The following HMGB1 variants were observed in gnomAD, a reference collection of about 807,000 sequenced individuals.
HMGB1 encodes the protein high mobility group protein B1.
For synonymous variants in HMGB1, 81 were observed against 84.0 expected (o/e 0.96, Z 0.19); for missense variants, 79 against 253.5 (o/e 0.31, Z 4.67).
chr13:30,536,265 A>C (rs1868429910), intron 1 of HMGB1, among the ~76,000 whole-genome samples: 2 of 152,216 alleles, frequency 1.3e-5, no homozygotes, highest in Admixed American at 1.3e-4. Context: ...CATAATATTG[A>C]CTTCCTATCA....
intron 1 of HMGB1, among the ~76,000 whole-genome samples, chr13:30,545,647 T>C (rs1869119394): frequency 1.3e-5 from 2 of 152,182 alleles, no homozygotes; most frequent in Non-Finnish European, 2.9e-5. Context: ...AAATTAAAAC[T>C]AAACTTCATT....
chr13:30,520,607 G>A (rs1198159810), intron 1 of HMGB1, among the ~76,000 whole-genome samples: 2 of 152,184 alleles, frequency 1.3e-5, no homozygotes, highest in Non-Finnish European at 2.9e-5. Flanking sequence ...GCCACAGAGT[G>A]AGACTCCGTC....
In HMGB1 at chr13:30,498,075, G is replaced by A. The variant is rs553957779; in HGVS notation, c.-14-34381C>T. The stretch of plus-strand genomic sequence containing the variant: ...GCTGGACTAATTTACATTCCTACCA[G>A]CAGTGTGTAAGCATCCCCTTCTCTC... On this transcript the variant is annotated intron_variant, in intron 1 of 4. Transcript: ENST00000405805. Among the ~76,000 whole-genome samples, 128 of 152,282 alleles carry A rather than the reference G, an allele frequency of 8.4e-4. 1 individual carries two copies. Among genetic ancestry groups the A allele is most frequent in the African/African-American group, 2.9e-3 (121 of 41,556 alleles).
chr13:30,554,706 C>T (rs531939983), intron 1 of HMGB1: 40 of 770,136 alleles, frequency 5.2e-5, no homozygotes, highest in Middle Eastern at 3.6e-4. Context: ...GAATGCTCTA[C>T]GGAAACATAT....
chr13:30,463,782 G>C (rs1356390159), intron 1 of HMGB1, 88 bp from the exon 2 acceptor site: 4 of 799,374 alleles, frequency 5.0e-6, no homozygotes, highest in Non-Finnish European at 7.7e-6. Context: ...GAAAACCAAA[G>C]TACTGGTTAT....
chr13:30,610,362 T>C (rs747252523), intron 1 of HMGB1, among the ~76,000 whole-genome samples: 24 of 152,160 alleles, frequency 1.6e-4, no homozygotes, highest in Non-Finnish European at 2.6e-4. Flanking sequence ...AAGAGAGTGC[T>C]AGGAGTTGGA....
chr13:30,545,128 CACAT>C (rs1247058325), intron 1 of HMGB1, among the ~76,000 whole-genome samples: 1 of 152,020 alleles, frequency 6.6e-6, no homozygotes, highest in Non-Finnish European at 1.5e-5. Context: ...CAGCTTTCCC[CACAT>C]GCATGGTGAT....
chr13:30,526,300 G>A (rs867881645), intron 1 of HMGB1, among the ~76,000 whole-genome samples: 5 of 152,198 alleles, frequency 3.3e-5, no homozygotes, highest in South Asian at 2.1e-4. Flanking sequence ...CAAGTGATGC[G>A]CCTGCCTCGG....
intron 1 of HMGB1, among the ~76,000 whole-genome samples, chr13:30,482,594 T>C (rs1887256390): frequency 6.6e-6 from 1 of 152,226 alleles, no homozygotes; most frequent in Admixed American, 6.5e-5. Flanking sequence ...AACCCATCTT[T>C]CTGGCTCTGA....
chr13:30,487,515 T>A (rs978535295), intron 1 of HMGB1, among the ~76,000 whole-genome samples: 1 of 152,264 alleles, frequency 6.6e-6, no homozygotes, highest in Non-Finnish European at 1.5e-5. Context: ...TCTGACTTGA[T>A]GATTTCTACC....
intron 1 of HMGB1, among the ~76,000 whole-genome samples, chr13:30,566,060 T>A (rs1220299148): frequency 6.6e-6 from 1 of 152,150 alleles, no homozygotes; most frequent in Non-Finnish European, 1.5e-5. Flanking sequence ...TTATGGGCCA[T>A]TTTCTGAGTA....
At chr13:30,551,308 A>C (rs1018595494) in intron 1 of HMGB1, among the ~76,000 whole-genome samples, 81 of 152,188 alleles carry the variant, frequency 5.3e-4, no homozygotes, top group African/African-American at 1.9e-3. Flanking sequence ...GGGGTTTAAA[A>C]GGCTCATCAC....
rs530629885 is a variant in HMGB1 at position 30,555,321 on chromosome 13, G to C, written c.-15+61350C>G. ...CTCCCAAAATGCTGGGATTACAGGC[G>C]TGAGCCACCGCATTGGCCTGTTAAG... On this transcript the variant is annotated intron_variant, in intron 1 of 4. Coordinates refer to the HMGB1 transcript ENST00000405805. Among the ~76,000 whole-genome samples the C allele has an allele frequency of 8.5e-5, 13 of 152,278 alleles. No homozygotes were observed. In the South Asian group the frequency reaches 2.7e-3, roughly 32 times the overall value.
chr13:30,566,341 G>A (rs1360221214), intron 1 of HMGB1, among the ~76,000 whole-genome samples: 1 of 152,206 alleles, frequency 6.6e-6, no homozygotes, highest in Non-Finnish European at 1.5e-5. Context: ...AGGGGCCAGA[G>A]AGTAAATGTT....
At chr13:30,512,875 G>A (rs1357704809) in intron 1 of HMGB1, among the ~76,000 whole-genome samples, 1 of 152,076 alleles carries the variant, frequency 6.6e-6, no homozygotes, top group Admixed American at 6.6e-5. Flanking sequence ...AAAACCACAT[G>A]ACTAGGGCCG....
intron 1 of HMGB1, among the ~76,000 whole-genome samples, chr13:30,532,245 GAA>G (rs1888511681): frequency 6.7e-6 from 1 of 149,626 alleles, no homozygotes; most frequent in African/African-American, 2.5e-5. Flanking sequence ...TGAGGCAGGA[GAA>G]TCGCTTGAAC....
upstream of HMGB1, among the ~76,000 whole-genome samples, chr13:30,468,814 T>G (rs920911430): frequency 2.0e-5 from 3 of 152,240 alleles, no homozygotes; most frequent in Admixed American, 6.5e-5. Context: ...CTTTATGATA[T>G]TAGACGCTTT....
intron 1 of HMGB1, among the ~76,000 whole-genome samples, chr13:30,545,170 C>T (rs151166567): frequency 2.6e-4 from 40 of 152,006 alleles, no homozygotes; most frequent in Non-Finnish European, 4.0e-4. Flanking sequence ...GATTTGAGAG[C>T]GAGGCATTTA....
intron 1 of HMGB1, among the ~76,000 whole-genome samples, chr13:30,594,296 G>A (rs1294142768): frequency 6.6e-6 from 1 of 152,160 alleles, no homozygotes; most frequent in African/African-American, 2.4e-5. Context: ...GCTGAGGTTT[G>A]GACCTCTAAT....
Sources: gnomAD v4.1 joint callset for allele counts (sites outside exome capture counted in the v4.1 genomes callset) on GRCh38, gnomAD v4.1.1 for gene constraint, MANE v1.5 for transcripts, NCBI Gene and HGNC (gene_info 2026-07-23, HGNC 2026-07-21) for gene names.